The following MCC variants were observed in gnomAD, a reference collection of about 807,000 sequenced individuals.
The protein encoded by MCC is colorectal mutant cancer protein.
In MCC, 90 loss-of-function variants were observed where a neutral mutation model predicts 116.2. That is an observed-to-expected ratio of 0.77 (90% confidence interval 0.65 to 0.92). MCC has a LOEUF of 0.92. Among genes scored for constraint, MCC ranks in the 40% least tolerant of loss-of-function variants. The pLI, the probability that MCC is intolerant of heterozygous loss-of-function variation, is 0.00. For synonymous variants in MCC, 578 were observed against 510.5 expected, an observed-to-expected ratio of 1.13 and a Z score of -1.78; for missense variants, 1,516 against 1,312.2, an observed-to-expected ratio of 1.16 and a Z score of -2.40.
chr5:113,437,295 A>T (rs6898155), intron 1 of MCC: 1 of 152,188 alleles, frequency 6.6e-6, no homozygotes, highest in Non-Finnish European at 1.5e-5. Flanking sequence ...GGGCTTTCTC[A>T]TTTGTGTGTC....
At chr5:113,040,220 G>A (rs966438350) in intron 17 of MCC, among the ~76,000 whole-genome samples, 1 of 151,680 alleles carries the variant, frequency 6.6e-6, no homozygotes, top group Non-Finnish European at 1.5e-5. Context: ...CCAAACAGAA[G>A]AAAGTTAGGA....
chr5:113,294,647 C>A, intron 3 of MCC: 4 of 1,106,154 alleles, frequency 3.6e-6, no homozygotes, highest in Non-Finnish European at 4.4e-6. Flanking sequence ...AGCGGCGGAG[C>A]CCGCGCGGGG....
intron 3 of MCC, among the ~76,000 whole-genome samples, chr5:113,332,564 CAAAAAAAAAA>C (rs35391036): frequency 1.1e-5 from 1 of 88,408 alleles, no homozygotes; most frequent in Admixed American, 1.2e-4. Context: ...AACCTGTCTC[CAAAAAAAAAA>C]AAAAAAAAAG....
At chr5:113,246,987 C>G (rs1399846865) in intron 3 of MCC, among the ~76,000 whole-genome samples, 4 of 152,176 alleles carry the variant, frequency 2.6e-5, no homozygotes, top group African/African-American at 9.7e-5. Flanking sequence ...TCTGCGACTT[C>G]CAGAGGCTTT....
At chr5:113,161,055 G>A (rs571452090) in intron 3 of MCC, among the ~76,000 whole-genome samples, 2 of 152,210 alleles carry the variant, frequency 1.3e-5, no homozygotes. Context: ...TAAGACAATA[G>A]TAGCTATTAA....
At chr5:113,267,209 G>T (rs985353972) in intron 3 of MCC, among the ~76,000 whole-genome samples, 4 of 151,922 alleles carry the variant, frequency 2.6e-5, no homozygotes, top group Non-Finnish European at 5.9e-5. Context: ...TTCTTTAAAG[G>T]CTGCCCTGGA....
intron 2 of MCC, 127 bp downstream of exon 2, chr5:113,384,841 G>A: frequency 9.5e-7 from 1 of 1,048,328 alleles, no homozygotes; most frequent in Non-Finnish European, 1.4e-6. Context: ...GGGAAAGTGT[G>A]GCCAGGAGGG....
chr5:113,405,857 C>T (rs895653564), intron 1 of MCC, among the ~76,000 whole-genome samples: 16 of 151,914 alleles, frequency 1.1e-4, no homozygotes, highest in African/African-American at 3.1e-4. Context: ...CGTAAAAATA[C>T]TTATTAATAT....
At chr5:113,125,248 A>G (rs1757975830) in intron 5 of MCC, among the ~76,000 whole-genome samples, 1 of 152,064 alleles carries the variant, frequency 6.6e-6, no homozygotes, top group African/African-American at 2.4e-5. Flanking sequence ...GAAGGAGTAA[A>G]TGTTGCCAAG....
intron 3 of MCC, among the ~76,000 whole-genome samples, chr5:113,209,583 T>C (rs931707210): frequency 6.6e-6 from 1 of 152,232 alleles, no homozygotes; most frequent in Non-Finnish European, 1.5e-5. Context: ...AGTATAGGAA[T>C]TTCTTCTGGG....
rs1752342638 is a variant in MCC, at chr5:113,049,397, C to G, written c.2449-98G>C. On this transcript the variant is annotated intron_variant, in intron 15 of 18. Transcript: ENST00000408903. ...TGGGTGGGGGGTCCCCGGCTATGACCCACAGGCCCATGGTAGAGTTCTCAC... is the reference window on the plus strand; with the variant it reads ...TGGGTGGGGGGTCCCCGGCTATGACGCACAGGCCCATGGTAGAGTTCTCAC... 1.0e-5 allele frequency: 10 copies of G among 957,988 alleles called. No individual in the cohort carries two copies. The South Asian group carries it at 1.5e-4, about 15-fold the overall frequency. 59.3% of individuals were successfully genotyped at this position (957,988 alleles called of 1,614,324 possible). A position where few individuals can be genotyped will look rare whatever the true frequency, so the allele number is the denominator to read the frequency against.
intron 13 of MCC, among the ~76,000 whole-genome samples, chr5:113,067,484 A>C (rs542897955): frequency 2.6e-5 from 4 of 152,316 alleles, no homozygotes; most frequent in Non-Finnish European, 5.9e-5. Context: ...CTAAAAATAC[A>C]AAATTAGCCA....
At chr5:113,119,416 T>C (rs1757603127) in intron 6 of MCC, among the ~76,000 whole-genome samples, 2 of 151,962 alleles carry the variant, frequency 1.3e-5, no homozygotes, top group Non-Finnish European at 1.5e-5. Context: ...GAAGGAGGGC[T>C]CCAGGCGGAA....
At chr5:113,168,411 C>T (rs946379221) in intron 3 of MCC, among the ~76,000 whole-genome samples, 1 of 152,190 alleles carries the variant, frequency 6.6e-6, no homozygotes, top group Admixed American at 6.5e-5. Context: ...AATATACTTG[C>T]ACTTCTTTCC....
intron 6 of MCC, 43 bp downstream of exon 6, chr5:113,122,641 A>G (rs1757799783): frequency 5.0e-6 from 8 of 1,602,110 alleles, no homozygotes; most frequent in Non-Finnish European, 6.8e-6. Flanking sequence ...ATTACAATCC[A>G]GAAACCAAAC....
chr5:113,466,726 A>G (rs1771920815), intron 1 of MCC, among the ~76,000 whole-genome samples: 1 of 152,114 alleles, frequency 6.6e-6, no homozygotes, highest in African/African-American at 2.4e-5. Context: ...GTCAAATGGT[A>G]TTTCTAGTTC....
intron 8 of MCC, among the ~76,000 whole-genome samples, chr5:113,097,049 C>T (rs962583021): frequency 6.6e-6 from 1 of 152,092 alleles, no homozygotes; most frequent in Admixed American, 6.6e-5. Flanking sequence ...TTGGCATCCT[C>T]TTCCTTATCC....
chr5:113,066,510 C>T (rs1753614191), intron 13 of MCC, among the ~76,000 whole-genome samples: 1 of 152,168 alleles, frequency 6.6e-6, no homozygotes, highest in South Asian at 2.1e-4. Flanking sequence ...GAGGGAGGAT[C>T]AGAGCATCAC....
chr5:113,438,806 G>A (rs1001557606), intron 1 of MCC, among the ~76,000 whole-genome samples: 1 of 152,130 alleles, frequency 6.6e-6, no homozygotes, highest in Non-Finnish European at 1.5e-5. Flanking sequence ...TTTAGTTGAA[G>A]AAACCACTAG....
Sources: gnomAD v4.1 joint callset for allele counts (sites outside exome capture counted in the v4.1 genomes callset) on GRCh38, gnomAD v4.1.1 for gene constraint, MANE v1.5 for transcripts, NCBI Gene and HGNC (gene_info 2026-07-23, HGNC 2026-07-21) for gene names.